GK5: variants seen among roughly 807,000 people sequenced by gnomAD.
The protein encoded by GK5 is ATP:glycerol 3-phosphotransferase 5.
Under a neutral mutation model 77.3 loss-of-function variants are expected in GK5, and 39 were observed. The ratio of observed to expected loss-of-function variants is 0.50; its 90% CI spans 0.39 to 0.66. GK5 has a LOEUF of 0.66. GK5 is among the 30% of genes least tolerant of loss of function. The probability of loss-of-function intolerance (pLI) is 0.00; values close to 1 mark genes in which losing one functional copy is unlikely to be tolerated. For missense variants in GK5, 487 were observed against 633.8 expected, an observed-to-expected ratio of 0.77 and a Z score of 2.49; for synonymous variants, 211 against 208.0, an observed-to-expected ratio of 1.01 and a Z score of -0.13.
At chr3:142,201,010 T>C (rs2064012913) in intron 4 of GK5, among the ~76,000 whole-genome samples, 2 of 152,258 alleles carry the variant, frequency 1.3e-5, no homozygotes, top group African/African-American at 2.4e-5. Context: ...ATTTCAGAGA[T>C]GTTAAAATAT....
Position 142,186,204 on chromosome 3 carries a change from T to G in GK5, c.745A>C (p.Arg249=), listed in dbSNP as rs1234832412. The change falls in exon 8 of 16, where the codon AGG becomes CGG. Residue 249 remains arginine (R), a synonymous_variant. Transcript: ENST00000392993. ...GATGTTTATTATTACCTTGTGTCCC[T>G]CACAGGAGGTAGGAGAGAAAGTGGT... ...SIPLSLLPPV[R]DTSHNFGSVD... 2 of 1,581,742 alleles carry G rather than the reference T, an allele frequency of 1.3e-6. No homozygotes were observed. The highest frequency in any genetic ancestry group is 3.3e-5 in the Admixed American group (2 of 59,914).
In GK5 at chr3:142,215,661, AC is replaced by A; in HGVS notation, c.178del (p.Val60Ter). 6.3e-7 allele frequency: 1 copy of A among 1,596,512 alleles called. No homozygotes were observed. The highest frequency in any genetic ancestry group is 8.6e-7 in the Non-Finnish European group (1 of 1,166,022). ...VENLYPQIGW[V>X]EIDPDVLWIQ... ...CCAAAGAACATCAGGATCAATTTCTACCCAGCCAATTTGAGGATAAAGATTT... is the reference window on the plus strand; with the variant it reads ...CCAAAGAACATCAGGATCAATTTCTACCAGCCAATTTGAGGATAAAGATTT... On this transcript the variant is annotated frameshift_variant, in exon 2 of 16. Coordinates refer to ENST00000392993, the MANE Select transcript of GK5 (RefSeq NM_001039547.3). LOFTEE classifies it high-confidence loss of function.
intron 5 of GK5, among the ~76,000 whole-genome samples, chr3:142,194,246 C>A (rs925390125): frequency 1.3e-5 from 2 of 151,974 alleles, no homozygotes; most frequent in African/African-American, 4.8e-5. Context: ...TTAACTGGGG[C>A]CAGGCACGGT....
intron 5 of GK5, among the ~76,000 whole-genome samples, chr3:142,193,373 A>C (rs762475808): frequency 2.6e-5 from 4 of 152,106 alleles, no homozygotes; most frequent in Non-Finnish European, 5.9e-5. Context: ...TTAAAGCCAC[A>C]ATGAAATTGA....
At chr3:142,181,973 T>C (rs1340206444) in intron 10 of GK5, among the ~76,000 whole-genome samples, 1 of 152,248 alleles carries the variant, frequency 6.6e-6, no homozygotes, top group Non-Finnish European at 1.5e-5. Flanking sequence ...TAGAGAACTA[T>C]GCTATTGTAT....
chr3:142,197,214 G>A (rs990113125), intron 5 of GK5, among the ~76,000 whole-genome samples: 1 of 151,894 alleles, frequency 6.6e-6, no homozygotes, highest in African/African-American at 2.4e-5. Context: ...AAAAGAAAGT[G>A]GGGTACTGAA....
intron 12 of GK5, 47 bp from the exon 13 acceptor site, chr3:142,172,503 A>G (rs1229874569): frequency 9.5e-7 from 1 of 1,050,648 alleles, no homozygotes; most frequent in Non-Finnish European, 1.4e-6. Context: ...TCTAAATTAC[A>G]TCTACGGACT....
chr3:142,211,944 C>T (rs894516422), intron 3 of GK5, among the ~76,000 whole-genome samples: 2 of 152,234 alleles, frequency 1.3e-5, no homozygotes, highest in Non-Finnish European at 2.9e-5. Context: ...CCTACTCTCA[C>T]TACTACCCAG....
At position 142,163,879 on chromosome 3, in the gene GK5, G is replaced by A. The variant is rs2063446295; in HGVS notation, c.*1743C>T. The A allele has an allele frequency of 6.6e-6, 1 of 152,002 alleles. No individual in the cohort carries two copies. Among genetic ancestry groups the A allele is most frequent in the Non-Finnish European group, 1.5e-5 (1 of 68,004 alleles). 9.4% of individuals were successfully genotyped at this position (152,002 alleles called of 1,614,324 possible). ...AATTACACCCACTGAGAAACAGAAT[G>A]TGTAACAGTAAAACAACAGAGCAGC... On this transcript the variant is annotated 3_prime_UTR_variant, in exon 16 of 16. Coordinates refer to ENST00000392993, the MANE Select transcript of GK5 (RefSeq NM_001039547.3).
intron 3 of GK5, among the ~76,000 whole-genome samples, chr3:142,205,148 G>C (rs912754475): frequency 1.3e-5 from 2 of 152,162 alleles, no homozygotes; most frequent in Non-Finnish European, 2.9e-5. Context: ...CTACAGAAGA[G>C]CTGAAATATT....
At chr3:142,186,096 A>G in intron 8 of GK5, 98 bp downstream of exon 8, 3 of 1,157,054 alleles carry the variant, frequency 2.6e-6, no homozygotes, top group Non-Finnish European at 3.9e-6. Flanking sequence ...TAATGAACAT[A>G]CAAGTCCTTC....
At chr3:142,177,880 C>T (rs1244778028) in intron 11 of GK5, among the ~76,000 whole-genome samples, 1 of 133,468 alleles carries the variant, frequency 7.5e-6, no homozygotes, top group Admixed American at 8.2e-5. Context: ...TTTTTTGAGA[C>T]GGAGTTTCAC....
At chr3:142,214,003 T>C (rs974340828) in intron 2 of GK5, among the ~76,000 whole-genome samples, 18 of 152,276 alleles carry the variant, frequency 1.2e-4, no homozygotes, top group African/African-American at 4.3e-4. Flanking sequence ...TTTGTATTTT[T>C]AGTAGAGACA....
chr3:142,180,957 G>C (rs2063688859), intron 11 of GK5, among the ~76,000 whole-genome samples: 1 of 152,184 alleles, frequency 6.6e-6, no homozygotes, highest in South Asian at 2.1e-4. Flanking sequence ...CCCCCAGACT[G>C]ACCACTGGGT....
rs368399142 is a variant in GK5 at position 142,161,834 on chromosome 3, T to G, written c.*3788A>C. ...GATTGATTGAGACAGGGTCTCACTT[T>G]GCCACCCAGGCTAGAGTACAGTGAC... On this transcript the variant is annotated 3_prime_UTR_variant, in exon 16 of 16. Coordinates refer to ENST00000392993, the MANE Select transcript of GK5 (RefSeq NM_001039547.3). 1.5e-4 allele frequency: 23 copies of G among 152,370 alleles called. 1 individual carries two copies. Among genetic ancestry groups the G allele is most frequent in the African/African-American group, 5.3e-4 (22 of 41,580 alleles). 9.4% of individuals were successfully genotyped at this position (152,370 alleles called of 1,614,324 possible). A position where few individuals can be genotyped will look rare whatever the true frequency, so the allele number is the denominator to read the frequency against.
intron 5 of GK5, among the ~76,000 whole-genome samples, chr3:142,194,606 C>A (rs1577130044): frequency 6.6e-6 from 1 of 151,702 alleles, no homozygotes; most frequent in Non-Finnish European, 1.5e-5. Context: ...GTAAGAGGAT[C>A]TCTTGAGCCT....
In GK5 at chr3:142,181,482, T is replaced by C. The variant is rs1374168160; in HGVS notation, c.1027A>G (p.Ile343Val). Residue 343 changes from isoleucine to valine, a missense_variant, in exon 11 of 16, where the codon ATA (isoleucine) becomes GTA (valine). This residue lies in a region of GK5 where 323 missense variants were observed against 437.4 expected (regional missense o/e 0.74). Transcript: ENST00000392993. The stretch of plus-strand genomic sequence containing the variant: ...TTACCTAACTGCTGAGCCCATTTTA[T>C]GGCAGTACCAGTGTCTCCTGCATTG... ...ESNAGDTGTA[I>V]KWAQQLDLFT... 3.1e-6 allele frequency: 5 copies of C among 1,610,776 alleles called. No homozygotes were observed. The highest frequency in any genetic ancestry group is 4.2e-6 in the Non-Finnish European group (5 of 1,177,840).
At chr3:142,173,628 G>A (rs1020934873) in intron 12 of GK5, among the ~76,000 whole-genome samples, 1 of 152,148 alleles carries the variant, frequency 6.6e-6, no homozygotes, top group Non-Finnish European at 1.5e-5. Flanking sequence ...AGCTTGCAGC[G>A]AGCGGAGATG....
rs61032785 is a variant in GK5, at chr3:142,191,048, A to AT, written c.544-3270dup. The stretch of plus-strand genomic sequence containing the variant: ...GACCAGCCAAAAAGAAGTATAAATA[A>AT]TTTTTTTTTTTTGAGACAGAGTCTG... On this transcript the variant is annotated intron_variant, in intron 5 of 15. Transcript: ENST00000392993. Among the ~76,000 whole-genome samples the AT allele has an allele frequency of 3.7e-4, 55 of 148,680 alleles. 1 individual carries two copies. The highest frequency in any genetic ancestry group is 2.1e-3 in the South Asian group (10 of 4,668).
Sources: gnomAD v4.1 joint callset for allele counts (sites outside exome capture counted in the v4.1 genomes callset) on GRCh38, gnomAD v4.1.1 for gene constraint, gnomAD v4.1.1 regional missense constraint, MANE v1.5 for transcripts, NCBI Gene and HGNC (gene_info 2026-07-23, HGNC 2026-07-21) for gene names.